Variants in MRTFB observed in about 807,000 individuals in gnomAD.
MRTFB encodes myocardin related transcription factor B, also known as myocardin-related transcription factor B.
MRTFB carries 29 observed loss-of-function variants against 104.2 expected under a neutral mutation model. The ratio of observed to expected loss-of-function variants is 0.28; its 90% CI spans 0.21 to 0.38. The LOEUF (loss-of-function observed/expected upper bound fraction) is 0.38, where lower values mean the gene tolerates loss of function less well. MRTFB is among the 10% of genes least tolerant of loss of function. The probability of loss-of-function intolerance (pLI) is 1.00; values close to 1 mark genes in which losing one functional copy is unlikely to be tolerated. For synonymous variants in MRTFB, 535 were observed against 519.5 expected (o/e 1.03, Z -0.41); for missense variants, 1,270 against 1,341.6 (o/e 0.95, Z 0.83).
At chr16:14,212,281 C>T in intron 4 of MRTFB, 73 bp from the exon 5 acceptor site, 1 of 1,445,154 alleles carries the variant, frequency 6.9e-7, no homozygotes, top group Non-Finnish European at 9.7e-7. Flanking sequence ...AGGGTTATCA[C>T]CATGGTATAC....
intron 3 of MRTFB, among the ~76,000 whole-genome samples, chr16:14,175,860 C>T (rs966494268): frequency 4.6e-5 from 7 of 152,100 alleles, no homozygotes; most frequent in African/African-American, 1.7e-4. Context: ...AATTTAGACT[C>T]AAAAGACCAC....
chr16:14,004,272 G>A, the MRTFB span, among the ~76,000 whole-genome samples: 9 of 152,182 alleles, frequency 5.9e-5, no homozygotes, highest in South Asian at 4.1e-4. Context: ...GGTTCCCAAA[G>A]CCGCCCATCC....
intron 1 of MRTFB, among the ~76,000 whole-genome samples, chr16:14,078,593 A>AG (rs1235499681): frequency 9.6e-5 from 14 of 145,194 alleles, no homozygotes; most frequent in African/African-American, 3.9e-4. Flanking sequence ...ACTCCTGGCA[A>AG]ATTTTTTTTT....
intron 3 of MRTFB, among the ~76,000 whole-genome samples, chr16:14,204,266 G>A (rs570391612): frequency 4.6e-5 from 7 of 152,066 alleles, no homozygotes; most frequent in Non-Finnish European, 7.4e-5. Flanking sequence ...ATGAAGCACC[G>A]AGTTTGGCCT....
chr16:14,070,923 C>T (rs538313766), upstream of MRTFB, among the ~76,000 whole-genome samples: 1 of 152,188 alleles, frequency 6.6e-6, no homozygotes, highest in African/African-American at 2.4e-5. Context: ...GCTGGTAATA[C>T]CCACTTTGGA....
chr16:14,014,792 C>A, the MRTFB span, among the ~76,000 whole-genome samples: 3 of 152,160 alleles, frequency 2.0e-5, no homozygotes, highest in African/African-American at 7.2e-5. Flanking sequence ...TTGCTTGAAC[C>A]CAGAAGGCGG....
At chr16:14,090,665 G>T (rs894942614) in intron 2 of MRTFB, among the ~76,000 whole-genome samples, 2 of 152,110 alleles carry the variant, frequency 1.3e-5, no homozygotes, top group Admixed American at 6.6e-5. Flanking sequence ...AGATGGGTGG[G>T]TGATCAGAAC....
At chr16:14,065,084 C>A in the MRTFB span, among the ~76,000 whole-genome samples, 3 of 152,138 alleles carry the variant, frequency 2.0e-5, no homozygotes, top group Non-Finnish European at 4.4e-5. Flanking sequence ...TTCTTCCTGT[C>A]CATGAGCGTG....
chr16:14,218,702 A>AT, intron 7 of MRTFB, 118 bp from the exon 8 acceptor site: 1 of 1,033,114 alleles, frequency 9.7e-7, no homozygotes, highest in Non-Finnish European at 1.4e-6. Context: ...CATTGTGTTC[A>AT]ATTTTTTTTT....
intron 10 of MRTFB, among the ~76,000 whole-genome samples, chr16:14,244,015 C>T (rs1273577142): frequency 6.6e-6 from 1 of 151,984 alleles, no homozygotes; most frequent in Non-Finnish European, 1.5e-5. Flanking sequence ...GTAGCTGGGG[C>T]TACAGGCGCC....
At chr16:14,260,728 G>A (rs1317649656) in intron 16 of MRTFB, among the ~76,000 whole-genome samples, 181 bp from the exon 17 acceptor site, 1 of 152,168 alleles carries the variant, frequency 6.6e-6, no homozygotes, top group Non-Finnish European at 1.5e-5. Context: ...TGACTAAAAT[G>A]ATCCATCATC....
At chr16:14,027,650 T>C in the MRTFB span, among the ~76,000 whole-genome samples, 1 of 152,196 alleles carries the variant, frequency 6.6e-6, no homozygotes, top group African/African-American at 2.4e-5. Flanking sequence ...TGGGGGAAGC[T>C]GGGCGAAGAT....
rs369511525 is a variant in MRTFB, at chr16:14,227,951, T to TAAA, written c.694-6181_694-6179dup. Among the ~76,000 whole-genome samples, 1,032 of 134,554 alleles carry TAAA rather than the reference T, an allele frequency of 7.7e-3. 16 individuals carry two copies. The highest frequency in any genetic ancestry group is 0.026 in the African/African-American group (965 of 36,690). 88.3% of individuals were successfully genotyped at this position (134,554 alleles called of 152,430 possible). A position where few individuals can be genotyped will look rare whatever the true frequency, so the allele number is the denominator to read the frequency against. On this transcript the variant is annotated intron_variant, in intron 8 of 16. Coordinates refer to ENST00000571589, the MANE Select transcript of MRTFB (RefSeq NM_001308142.2). ...ATGTGGTTTTTGTTGCAGTCTATCT[T>TAAA]AAAAAAAAAAAAAAAACAGGCAAAG...
At chr16:14,077,815 A>G (rs1245763106) in intron 1 of MRTFB, among the ~76,000 whole-genome samples, 2 of 151,880 alleles carry the variant, frequency 1.3e-5, no homozygotes, top group Admixed American at 6.6e-5. Flanking sequence ...TTTTTTTCCC[A>G]CTGTTACCCA....
intron 9 of MRTFB, 92 bp from the exon 10 acceptor site, chr16:14,240,145 T>C: frequency 7.0e-7 from 1 of 1,434,402 alleles, no homozygotes; most frequent in Non-Finnish European, 9.3e-7. Flanking sequence ...AAGGTACATT[T>C]CTTTTTAATT....
intron 8 of MRTFB, 123 bp downstream of exon 8, chr16:14,219,121 A>C (rs1461245404): frequency 9.4e-7 from 1 of 1,062,784 alleles, no homozygotes; most frequent in African/African-American, 1.6e-5. Context: ...TTTATTAAGC[A>C]AAAAGCAGGC....
At chr16:14,143,025 C>T (rs998957905) in intron 3 of MRTFB, 4 of 152,160 alleles carry the variant, frequency 2.6e-5, no homozygotes, top group African/African-American at 9.7e-5. Context: ...TCTTTGTGGT[C>T]AGTGTTTTTA....
At chr16:14,026,018 A>T in the MRTFB span, among the ~76,000 whole-genome samples, 8 of 152,230 alleles carry the variant, frequency 5.3e-5, no homozygotes, top group African/African-American at 9.6e-5. Context: ...GGACTAGAAG[A>T]TTCAACATAA....
At chr16:14,017,133 T>C in the MRTFB span, among the ~76,000 whole-genome samples, 5 of 145,596 alleles carry the variant, frequency 3.4e-5, no homozygotes, top group African/African-American at 1.3e-4. Flanking sequence ...CTCGGCTCAC[T>C]ACAAGCTCCA....
Sources: allele counts gnomAD v4.1 joint callset (sites outside exome capture counted in the v4.1 genomes callset), GRCh38; gene constraint gnomAD v4.1.1; transcripts MANE v1.5; gene names NCBI Gene and HGNC (gene_info 2026-07-23, HGNC 2026-07-21).